The following DPYD variants were observed in gnomAD, a reference collection of about 807,000 sequenced individuals.
DPYD encodes dihydropyrimidine dehydrogenase [NADP(+)].
DPYD carries 109 observed loss-of-function variants against 116.2 expected under a neutral mutation model. The observed-to-expected ratio is 0.94, with a 90% CI of 0.80 to 1.10. The LOEUF (loss-of-function observed/expected upper bound fraction) is 1.10. DPYD is among the 50% of genes least tolerant of loss of function. The pLI is 0.00. For missense variants in DPYD, 1,302 were observed against 1,254.5 expected, an observed-to-expected ratio of 1.04 and a Z score of -0.57; for synonymous variants, 440 against 432.0, an observed-to-expected ratio of 1.02 and a Z score of -0.23.
chr1:97,625,046 C>A (rs1656849184), intron 8 of DPYD, among the ~76,000 whole-genome samples: 1 of 151,842 alleles, frequency 6.6e-6, no homozygotes, highest in South Asian at 2.1e-4. Flanking sequence ...TACTGCACAG[C>A]ACAGTGAATA....
chr1:97,809,857 G>A (rs552207594), intron 3 of DPYD, among the ~76,000 whole-genome samples: 27 of 152,188 alleles, frequency 1.8e-4, no homozygotes, highest in African/African-American at 6.3e-4. Flanking sequence ...TGGACAAAGC[G>A]AGCCCAGAGA....
At chr1:97,233,240 T>C (rs1241308498) in intron 19 of DPYD, among the ~76,000 whole-genome samples, 3 of 152,110 alleles carry the variant, frequency 2.0e-5, no homozygotes, top group Non-Finnish European at 4.4e-5. Context: ...CACGCCTTGT[T>C]GCTGCTCCCT....
At chr1:97,573,228 T>C (rs1426790927) in intron 11 of DPYD, among the ~76,000 whole-genome samples, 6 of 152,200 alleles carry the variant, frequency 3.9e-5, no homozygotes, top group Middle Eastern at 6.8e-3. Flanking sequence ...ATTATCTTTT[T>C]AAAAAACATT....
chr1:97,690,266 T>C (rs533738430), intron 7 of DPYD, among the ~76,000 whole-genome samples: 21 of 152,068 alleles, frequency 1.4e-4, no homozygotes, highest in Non-Finnish European at 2.8e-4. Context: ...AGCTAAGATA[T>C]ATTTCTTGGC....
In DPYD at chr1:97,892,285, G is replaced by A. The variant is rs1267563194; in HGVS notation, c.40-8911C>T. Among the ~76,000 whole-genome samples the A allele has an allele frequency of 2.0e-5, 3 of 151,708 alleles. 1 individual carries two copies. Among genetic ancestry groups the A allele is most frequent in the Admixed American group, 1.3e-4 (2 of 15,172 alleles). On this transcript the variant is annotated intron_variant, in intron 1 of 22. Coordinates refer to ENST00000370192, the MANE Select transcript of DPYD (RefSeq NM_000110.4). ...TTATCCAGGTAACAATCTAACTAAG[G>A]CTGGTCAGTGGAGAACTAAATTTTT...
At chr1:97,285,843 G>T (rs1044416265) in intron 18 of DPYD, among the ~76,000 whole-genome samples, 1 of 151,920 alleles carries the variant, frequency 6.6e-6, no homozygotes, top group South Asian at 2.1e-4. Context: ...ATATTTTAGT[G>T]AGACTTTTGG....
intron 14 of DPYD, among the ~76,000 whole-genome samples, chr1:97,389,088 G>C (rs1031648466): frequency 5.2e-4 from 79 of 152,122 alleles, no homozygotes; most frequent in Middle Eastern, 6.8e-3. Context: ...CTCTTACTGA[G>C]AGTAAAGAGA....
chr1:97,247,237 T>C (rs976100226), intron 18 of DPYD, among the ~76,000 whole-genome samples: 5 of 152,148 alleles, frequency 3.3e-5, no homozygotes, highest in Non-Finnish European at 7.3e-5. Context: ...CAGGAATCTG[T>C]AGCATGTATT....
At position 97,776,908 on chromosome 1, in the gene DPYD, T is replaced by C. The variant is rs1292878532; in HGVS notation, c.234-36429A>G. 2.6e-5 allele frequency among the ~76,000 whole-genome samples: 4 copies of C among 152,314 alleles called. No individual in the cohort carries two copies. The East Asian group carries it at 7.7e-4, about 29-fold the overall frequency. On this transcript the variant is annotated intron_variant, in intron 3 of 22. Transcript: ENST00000370192. ...TTGTCAAAATTAGTTGTTACTGTTA[T>C]TACAAGTTTAGACATTTTCTAGGGT...
At chr1:97,432,243 C>G (rs1346440396) in intron 14 of DPYD, among the ~76,000 whole-genome samples, 1 of 152,018 alleles carries the variant, frequency 6.6e-6, no homozygotes, top group South Asian at 2.1e-4. Flanking sequence ...CTGGGTCATA[C>G]GGTAGTTCTA....
intron 16 of DPYD, among the ~76,000 whole-genome samples, chr1:97,342,947 G>A (rs1321167830): frequency 6.6e-6 from 1 of 151,816 alleles, no homozygotes; most frequent in South Asian, 2.1e-4. Flanking sequence ...TTGATCTCTG[G>A]ATGAAGTCAG....
chr1:97,556,641 T>C (rs1651743629), intron 11 of DPYD, among the ~76,000 whole-genome samples: 1 of 150,918 alleles, frequency 6.6e-6, no homozygotes, highest in Middle Eastern at 3.4e-3. Flanking sequence ...TTACTGAGAA[T>C]GATGATTTCC....
chr1:97,509,600 T>C (rs1023292930), intron 13 of DPYD, among the ~76,000 whole-genome samples: 2 of 151,948 alleles, frequency 1.3e-5, no homozygotes, highest in Non-Finnish European at 2.9e-5. Context: ...AATAAGGCTA[T>C]ATTTAAATTT....
chr1:97,818,207 C>A (rs1008366451), intron 3 of DPYD, among the ~76,000 whole-genome samples: 1 of 151,978 alleles, frequency 6.6e-6, no homozygotes, highest in African/African-American at 2.4e-5. Flanking sequence ...ATCAAACTAT[C>A]ACTTGCAATA....
chr1:97,648,869 C>A (rs555643691), intron 8 of DPYD, among the ~76,000 whole-genome samples: 17 of 152,112 alleles, frequency 1.1e-4, no homozygotes, highest in Admixed American at 1.1e-3. Context: ...TATAAGCATA[C>A]GGCTACTGTT....
chr1:97,373,156 T>G (rs1179392848), intron 16 of DPYD, among the ~76,000 whole-genome samples: 1 of 152,144 alleles, frequency 6.6e-6, no homozygotes, highest in Non-Finnish European at 1.5e-5. Flanking sequence ...AAATGTAAAA[T>G]GCAATTTGTG....
intron 18 of DPYD, among the ~76,000 whole-genome samples, chr1:97,259,396 CAG>C (rs1663722359): frequency 6.6e-6 from 1 of 152,050 alleles, no homozygotes; most frequent in Admixed American, 6.6e-5. Context: ...ATTTTTGAGT[CAG>C]AGTCTTGCTC....
At chr1:97,687,098 C>T (rs1006336925) in intron 7 of DPYD, among the ~76,000 whole-genome samples, 1 of 152,072 alleles carries the variant, frequency 6.6e-6, no homozygotes, top group African/African-American at 2.4e-5. Context: ...TGGTAAAATC[C>T]CATCTGTAAC....
At chr1:97,867,755 C>A (rs893778976) in intron 2 of DPYD, among the ~76,000 whole-genome samples, 1 of 151,854 alleles carries the variant, frequency 6.6e-6, no homozygotes, top group South Asian at 2.1e-4. Flanking sequence ...CACAAGCTCA[C>A]AACGAACATC....
Sources: allele counts gnomAD v4.1 joint callset (sites outside exome capture counted in the v4.1 genomes callset), GRCh38; gene constraint gnomAD v4.1.1; transcripts MANE v1.5; gene names NCBI Gene and HGNC (gene_info 2026-07-23, HGNC 2026-07-21).